The following RELCH variants were observed in gnomAD, a reference collection of about 807,000 sequenced individuals.
RELCH encodes RAB11-binding protein RELCH.
In RELCH, 41 loss-of-function variants were observed where a neutral mutation model predicts 150.3. The ratio of observed to expected loss-of-function variants is 0.27; its 90% CI spans 0.21 to 0.35. The LOEUF (loss-of-function observed/expected upper bound fraction) is 0.35, where lower values mean the gene tolerates loss of function less well. Ranked by LOEUF, RELCH falls within the 10% of genes least tolerant of loss-of-function variation. RELCH has a pLI of 1.00. For synonymous variants in RELCH, 478 were observed against 531.8 expected (o/e 0.90, Z 1.39); for missense variants, 1,092 against 1,467.8 (o/e 0.74, Z 4.18).
intron 1 of RELCH, among the ~76,000 whole-genome samples, chr18:62,193,904 A>AATT (rs1176105085): frequency 7.9e-5 from 12 of 152,140 alleles, no homozygotes; most frequent in Admixed American, 2.0e-4. Context: ...ATCAAATGTG[A>AATT]ATTTTGCAAA....
chr18:62,244,085 TG>T lies in RELCH; in HGVS notation c.1621-678del, dbSNP rs564308789. On this transcript the variant is annotated intron_variant, in intron 10 of 28. Transcript: ENST00000644646. The stretch of plus-strand genomic sequence containing the variant: ...TCATCTTAATTAAAATGTAAAACAA[TG>T]TAATTAATTTCAAGTGTCTCTTAGA... 1.5e-3 allele frequency among the ~76,000 whole-genome samples: 235 copies of T among 152,220 alleles called. 1 individual carries two copies. Among genetic ancestry groups the T allele is most frequent in the African/African-American group, 5.3e-3 (219 of 41,574 alleles).
intron 12 of RELCH, among the ~76,000 whole-genome samples, chr18:62,254,092 T>C (rs949038065): frequency 6.6e-6 from 1 of 152,134 alleles, no homozygotes; most frequent in African/African-American, 2.4e-5. Flanking sequence ...CCTTGAATTT[T>C]CTTATGAATT....
chr18:62,198,846 T>A (rs1274828588), intron 1 of RELCH, among the ~76,000 whole-genome samples: 3 of 152,066 alleles, frequency 2.0e-5, no homozygotes, highest in Non-Finnish European at 2.9e-5. Flanking sequence ...AGGAATTTTT[T>A]AATTTCTTCT....
intron 1 of RELCH, among the ~76,000 whole-genome samples, chr18:62,207,157 C>A (rs2148283454): frequency 6.6e-6 from 1 of 152,260 alleles, no homozygotes; most frequent in East Asian, 1.9e-4. Context: ...TCCCCCTCAA[C>A]CCCCAATCAC....
intron 7 of RELCH, 119 bp from the exon 8 acceptor site, chr18:62,228,186 C>T: frequency 2.6e-6 from 2 of 765,498 alleles, no homozygotes; most frequent in Non-Finnish European, 4.2e-6. Context: ...ACTTGCCAAT[C>T]ATTTGCTACT....
At chr18:62,280,765 A>G in intron 24 of RELCH, 56 bp downstream of exon 24, 10 of 1,174,840 alleles carry the variant, frequency 8.5e-6, no homozygotes, top group Non-Finnish European at 1.3e-5. Flanking sequence ...GTCATGATAC[A>G]TGTATCTGGT....
intron 2 of RELCH, 37 bp from the exon 3 acceptor site, chr18:62,221,000 G>T: frequency 6.7e-7 from 1 of 1,500,500 alleles, no homozygotes; most frequent in Non-Finnish European, 9.2e-7. Context: ...TTTCTTGGTT[G>T]GATGCCTGTG....
intron 1 of RELCH, among the ~76,000 whole-genome samples, chr18:62,197,740 C>A (rs1003009447): frequency 6.6e-6 from 1 of 152,098 alleles, no homozygotes; most frequent in African/African-American, 2.4e-5. Flanking sequence ...GAAGAATGCC[C>A]TAGAGCTGAT....
intron 1 of RELCH, among the ~76,000 whole-genome samples, chr18:62,207,261 CTCTTATAACTA>C (rs1408106832): frequency 2.0e-5 from 3 of 152,164 alleles, no homozygotes; most frequent in African/African-American, 7.2e-5. Flanking sequence ...ATATGTGGTT[CTCTTATAACTA>C]TCTTCTGTCA....
At chr18:62,245,316 T>C (rs1336883689) in intron 11 of RELCH, among the ~76,000 whole-genome samples, 2 of 152,222 alleles carry the variant, frequency 1.3e-5, no homozygotes, top group Non-Finnish European at 1.5e-5. Flanking sequence ...AAAGGAATTC[T>C]ATACCTTCTC....
chr18:62,274,581 C>A (rs956648175), intron 21 of RELCH, among the ~76,000 whole-genome samples: 3 of 152,186 alleles, frequency 2.0e-5, no homozygotes, highest in African/African-American at 7.2e-5. Context: ...AGCCAACATA[C>A]CCTTCCGTAT....
At chr18:62,239,475 G>A (rs1400961662) in intron 10 of RELCH, among the ~76,000 whole-genome samples, 1 of 152,036 alleles carries the variant, frequency 6.6e-6, no homozygotes, top group African/African-American at 2.4e-5. Context: ...AAGGCTCACA[G>A]ATAGGTTTGT....
intron 11 of RELCH, among the ~76,000 whole-genome samples, chr18:62,245,257 C>G (rs1459638276): frequency 6.6e-6 from 1 of 152,198 alleles, no homozygotes; most frequent in African/African-American, 2.4e-5. Context: ...GACCTGATTA[C>G]TTATCACCTG....
chr18:62,236,881 C>T (rs2041905856), intron 10 of RELCH, among the ~76,000 whole-genome samples: 1 of 151,390 alleles, frequency 6.6e-6, no homozygotes, highest in South Asian at 2.1e-4. Flanking sequence ...TCTGTAGTTC[C>T]ATAAGATATT....
chr18:62,264,688 A>G (rs777867993), intron 17 of RELCH, 41 bp from the exon 18 acceptor site: 11 of 1,451,584 alleles, frequency 7.6e-6, no homozygotes, highest in Non-Finnish European at 1.0e-5. Context: ...ACAGTAATTT[A>G]TATGTATCCC....
chr18:62,255,319 A>T, intron 12 of RELCH, 88 bp from the exon 13 acceptor site: 1 of 918,164 alleles, frequency 1.1e-6, no homozygotes, highest in Non-Finnish European at 1.8e-6. Flanking sequence ...TTGCATTCTT[A>T]ACAGGATTTG....
At position 62,260,193 on chromosome 18, in the gene RELCH, C is replaced by CAAAA. The variant is rs377119786; in HGVS notation, c.2203-1309_2203-1306dup. On this transcript the variant is annotated intron_variant, in intron 15 of 28. Coordinates refer to ENST00000644646, the MANE Select transcript of RELCH (RefSeq NM_001346231.2). ...TGTAAGGATTCAAACAACTCAACAGCAAAAAAAAAAAATCCAATTAAGGAA... is the reference window on the plus strand; with the variant it reads ...TGTAAGGATTCAAACAACTCAACAGCAAAAAAAAAAAAAAAATCCAATTAAGGAA... 3.7e-3 allele frequency among the ~76,000 whole-genome samples: 350 copies of CAAAA among 95,814 alleles called. 14 individuals carry two copies. Among genetic ancestry groups the CAAAA allele is most frequent in the Non-Finnish European group, 6.0e-3 (295 of 48,940 alleles). 62.9% of individuals were successfully genotyped at this position (95,814 alleles called of 152,430 possible).
rs1371813634 is a variant in RELCH at position 62,308,343 on chromosome 18, T to C, written c.*2809T>C. 3 of 152,240 alleles carry C rather than the reference T, an allele frequency of 2.0e-5. No individual in the cohort carries two copies. The highest frequency in any genetic ancestry group is 1.9e-4 in the East Asian group (1 of 5,202). 9.4% of individuals were successfully genotyped at this position (152,240 alleles called of 1,614,324 possible). A position where few individuals can be genotyped will look rare whatever the true frequency, so the allele number is the denominator to read the frequency against. On this transcript the variant is annotated 3_prime_UTR_variant, in exon 29 of 29. Transcript: ENST00000644646. ...CTAACATTCTGTGCTGGTTATATTT[T>C]CTTAACTATTCTTTGTGTAAAGATT...
intron 22 of RELCH, among the ~76,000 whole-genome samples, chr18:62,278,837 C>T (rs1443358665): frequency 6.6e-6 from 1 of 152,026 alleles, no homozygotes; most frequent in East Asian, 1.9e-4. Context: ...TCTAGTTCTA[C>T]TCATCTTTTT....
Sources: allele counts gnomAD v4.1 joint callset (sites outside exome capture counted in the v4.1 genomes callset), GRCh38; gene constraint gnomAD v4.1.1; transcripts MANE v1.5; gene names NCBI Gene and HGNC (gene_info 2026-07-23, HGNC 2026-07-21).